CTNNA2: variants seen among roughly 807,000 people sequenced by gnomAD.
CTNNA2 encodes catenin alpha 2, also known as catenin alpha-2.
CTNNA2 carries 42 observed loss-of-function variants against 101.0 expected under a neutral mutation model. That is an observed-to-expected ratio of 0.42 (90% CI 0.32 to 0.54). The LOEUF is 0.54. Ranked by LOEUF, CTNNA2 falls within the 20% of genes least tolerant of loss-of-function variation. The pLI is 0.14. For synonymous variants in CTNNA2, 450 were observed against 456.4 expected (o/e 0.99, Z 0.18); for missense variants, 871 against 1,223.1 (o/e 0.71, Z 4.29).
chr2:79,768,589 T>G (rs1046437327), intron 3 of CTNNA2, among the ~76,000 whole-genome samples: 1 of 151,870 alleles, frequency 6.6e-6, no homozygotes, highest in Non-Finnish European at 1.5e-5. Context: ...AATCAATTAG[T>G]CCACAATAGC....
intron 3 of CTNNA2, among the ~76,000 whole-genome samples, chr2:79,822,296 T>C (rs1403522554): frequency 1.3e-5 from 2 of 152,188 alleles, no homozygotes; most frequent in Non-Finnish European, 1.5e-5. Context: ...GAGCCTTTTG[T>C]TTCTCAGAAA....
At chr2:80,231,462 C>A (rs1709207562) in intron 7 of CTNNA2, among the ~76,000 whole-genome samples, 1 of 152,140 alleles carries the variant, frequency 6.6e-6, no homozygotes, top group Non-Finnish European at 1.5e-5. Flanking sequence ...CCAGTGTAAA[C>A]CAAATATAAA....
intron 18 of CTNNA2, among the ~76,000 whole-genome samples, chr2:80,626,378 G>A (rs1671685500): frequency 6.6e-6 from 1 of 151,944 alleles, no homozygotes; most frequent in Non-Finnish European, 1.5e-5. Flanking sequence ...CAATTTTCAT[G>A]TAGGAAGAAG....
intron 7 of CTNNA2, among the ~76,000 whole-genome samples, chr2:80,155,863 TCTCAGATGTGAAGTAG>T (rs1703973400): frequency 6.6e-6 from 1 of 152,228 alleles, no homozygotes; most frequent in African/African-American, 2.4e-5. Flanking sequence ...TCAAAGCAGT[TCTCAGATGTGAAGTAG>T]AGATGATTCA....
chr2:80,589,903 TGTGCGC>T (rs1553400677), intron 15 of CTNNA2, among the ~76,000 whole-genome samples: 1 of 144,410 alleles, frequency 6.9e-6, no homozygotes, highest in East Asian at 2.1e-4. Context: ...TGTGTGTGTG[TGTGCGC>T]GCGCGCGCAT....
intron 1 of CTNNA2, among the ~76,000 whole-genome samples, chr2:79,632,799 C>G (rs1331336117): frequency 6.6e-6 from 1 of 152,204 alleles, no homozygotes; most frequent in African/African-American, 2.4e-5. Flanking sequence ...TACCTGAAAT[C>G]CACTGATACA....
intron 7 of CTNNA2, among the ~76,000 whole-genome samples, chr2:80,062,742 G>A (rs1572973804): frequency 8.1e-6 from 1 of 123,476 alleles, no homozygotes; most frequent in East Asian, 2.4e-4. Flanking sequence ...GTCTCACTCT[G>A]TCGCCCAGGC....
chr2:79,229,264 C>T lies in CTNNA2; in HGVS notation c.-406+31188C>T, dbSNP rs564307821. 5.9e-5 allele frequency among the ~76,000 whole-genome samples: 9 copies of T among 152,276 alleles called. No homozygotes were observed. The East Asian group carries it at 1.7e-3, about 29-fold the overall frequency. Reference sequence around the variant, plus strand: ...GGCTGATATGGTTTGGCTGTGACCCCACCCAGATCTCAACTTGAATTGTAT... The same window carrying T: ...GGCTGATATGGTTTGGCTGTGACCCTACCCAGATCTCAACTTGAATTGTAT... On this transcript the variant is annotated intron_variant, in intron 2 of 21. Transcript: ENST00000466387.
chr2:79,207,618 AG>A (rs1674117419), intron 2 of CTNNA2, among the ~76,000 whole-genome samples: 2 of 152,316 alleles, frequency 1.3e-5, no homozygotes, highest in Non-Finnish European at 2.9e-5. Context: ...TTGTGAAGAA[AG>A]TTTCTGTCAT....
At chr2:79,576,627 T>G (rs897208619) in intron 1 of CTNNA2, among the ~76,000 whole-genome samples, 1 of 152,102 alleles carries the variant, frequency 6.6e-6, no homozygotes, top group Non-Finnish European at 1.5e-5. Flanking sequence ...GCGTGTGGGG[T>G]GTGTATGCTT....
intron 7 of CTNNA2, among the ~76,000 whole-genome samples, chr2:80,293,999 A>C (rs1328518525): frequency 6.6e-6 from 1 of 152,118 alleles, no homozygotes; most frequent in Non-Finnish European, 1.5e-5. Flanking sequence ...GCCTGTGTGC[A>C]ATGGGTTTTC....
chr2:79,727,712 A>T (rs1190387266), intron 2 of CTNNA2, among the ~76,000 whole-genome samples: 3 of 143,366 alleles, frequency 2.1e-5, no homozygotes, highest in Non-Finnish European at 3.0e-5. Flanking sequence ...TATCTCCTAA[A>T]GCTATCCCTC....
intron 7 of CTNNA2, among the ~76,000 whole-genome samples, chr2:80,207,603 A>G (rs913001501): frequency 2.0e-5 from 3 of 152,128 alleles, no homozygotes; most frequent in Non-Finnish European, 4.4e-5. Context: ...AACATAATTA[A>G]TGTGGGAGGT....
intron 4 of CTNNA2, among the ~76,000 whole-genome samples, chr2:79,448,821 G>A (rs1167119753): frequency 1.3e-5 from 2 of 152,024 alleles, no homozygotes; most frequent in Non-Finnish European, 2.9e-5. Flanking sequence ...GGAAATCAAA[G>A]CTTGAGAGAT....
chr2:80,373,408 G>A (rs1675635267), intron 7 of CTNNA2, among the ~76,000 whole-genome samples: 1 of 152,138 alleles, frequency 6.6e-6, no homozygotes, highest in Non-Finnish European at 1.5e-5. Flanking sequence ...AAGAAATATT[G>A]CCCATAAGGG....
At chr2:80,277,515 A>T (rs1484862617) in intron 7 of CTNNA2, among the ~76,000 whole-genome samples, 3 of 142,936 alleles carry the variant, frequency 2.1e-5, no homozygotes, top group Non-Finnish European at 4.6e-5. Context: ...AGGGAAAAAG[A>T]GCTCAGTGGG....
intron 3 of CTNNA2, among the ~76,000 whole-genome samples, chr2:79,778,017 C>G (rs1674121759): frequency 6.6e-6 from 1 of 151,684 alleles, no homozygotes; most frequent in Non-Finnish European, 1.5e-5. Context: ...AGTTGTGCCT[C>G]ATCCTTCCTA....
At position 79,744,079 on chromosome 2, in the gene CTNNA2, T is replaced by C. The variant is rs114266517; in HGVS notation, c.103-308T>C. On this transcript the variant is annotated intron_variant, in intron 2 of 18. Coordinates refer to ENST00000402739, the MANE Select transcript of CTNNA2 (RefSeq NM_001282597.3). ...AGGCTGGGTACTCCAAGGAGCACTG[T>C]ACCTGTCAGTCTGTAAAAGTGAGTG... 8.6e-3 allele frequency among the ~76,000 whole-genome samples: 1,309 copies of C among 152,298 alleles called. 7 individuals are homozygous for C. The highest frequency in any genetic ancestry group is 0.02 in the Middle Eastern group (6 of 294).
chr2:80,475,834 G>GA (rs760215548), intron 9 of CTNNA2, among the ~76,000 whole-genome samples: 48 of 151,646 alleles, frequency 3.2e-4, no homozygotes, highest in Non-Finnish European at 6.5e-4. Context: ...GAAGGGGAAA[G>GA]AAAAAACAGA....
Sources: allele counts gnomAD v4.1 joint callset (sites outside exome capture counted in the v4.1 genomes callset), GRCh38; gene constraint gnomAD v4.1.1; transcripts MANE v1.5; gene names NCBI Gene and HGNC (gene_info 2026-07-23, HGNC 2026-07-21).